Variants in FAT3 observed in about 807,000 individuals in gnomAD.
FAT3 encodes the protein FAT atypical cadherin 3.
Under a neutral mutation model 310.2 loss-of-function variants are expected in FAT3, and 95 were observed. The ratio of observed to expected loss-of-function variants is 0.31; its 90% CI spans 0.26 to 0.36. The LOEUF (loss-of-function observed/expected upper bound fraction) is 0.36. FAT3 is among the 10% of genes least tolerant of loss of function. The probability of loss-of-function intolerance (pLI) is 1.00; values close to 1 mark genes in which losing one functional copy is unlikely to be tolerated. For synonymous variants in FAT3, 2,314 were observed against 2,192.9 expected (o/e 1.06, Z -1.54); for missense variants, 5,408 against 5,715.6 (o/e 0.95, Z 1.74).
chr11:92,745,247 A>G (rs1945624006), intron 4 of FAT3, among the ~76,000 whole-genome samples: 2 of 152,336 alleles, frequency 1.3e-5, no homozygotes, highest in African/African-American at 2.4e-5. Context: ...GTGGAATAGT[A>G]TATCGACTAA....
At chr11:92,388,159 G>A (rs1949670108) in intron 2 of FAT3, among the ~76,000 whole-genome samples, 1 of 152,074 alleles carries the variant, frequency 6.6e-6, no homozygotes, top group African/African-American at 2.4e-5. Context: ...ATTTCAGCAT[G>A]GTTTTGTGGA....
Position 92,751,259 on chromosome 11 carries a change from C to G in FAT3, c.3670-10597C>G, listed in dbSNP as rs147054201. Reference sequence around the variant, plus strand: ...TGCTTCACCCTTCTGTGCCCTGTTTCTAATCTGTCGTGTGGGGATAATAAT... The same window carrying G: ...TGCTTCACCCTTCTGTGCCCTGTTTGTAATCTGTCGTGTGGGGATAATAAT... On this transcript the variant is annotated intron_variant, in intron 4 of 27. Coordinates refer to ENST00000525166, the MANE Select transcript of FAT3 (RefSeq NM_001367949.2). Among the ~76,000 whole-genome samples the G allele has an allele frequency of 1.7e-3, 265 of 152,302 alleles. 1 individual carries two copies. The highest frequency in any genetic ancestry group is 6.1e-3 in the African/African-American group (254 of 41,562).
At chr11:92,841,468 A>C (rs1300192789) in intron 18 of FAT3, among the ~76,000 whole-genome samples, 1 of 152,218 alleles carries the variant, frequency 6.6e-6, no homozygotes, top group African/African-American at 2.4e-5. Flanking sequence ...GCATTGGCTT[A>C]AATATACATT....
intron 3 of FAT3, among the ~76,000 whole-genome samples, chr11:92,527,194 A>G (rs988188755): frequency 1.3e-5 from 2 of 152,154 alleles, no homozygotes; most frequent in African/African-American, 4.8e-5. Context: ...CTAACTACGA[A>G]ACACCATAGA....
chr11:92,737,265 C>T (rs1484369084), intron 4 of FAT3, among the ~76,000 whole-genome samples: 1 of 152,116 alleles, frequency 6.6e-6, no homozygotes, highest in Non-Finnish European at 1.5e-5. Flanking sequence ...GATATACCAG[C>T]CCTTGATTTT....
intron 2 of FAT3, among the ~76,000 whole-genome samples, chr11:92,479,144 G>T (rs1204968240): frequency 1.3e-5 from 2 of 150,696 alleles, no homozygotes; most frequent in Non-Finnish European, 2.9e-5. Context: ...TGAGAACACA[G>T]GTGTGTATCA....
At chr11:92,779,621 G>A (rs565187829) in intron 7 of FAT3, among the ~76,000 whole-genome samples, 2 of 152,226 alleles carry the variant, frequency 1.3e-5, no homozygotes, top group South Asian at 2.1e-4. Flanking sequence ...GCTATTTGTG[G>A]TAGGCAACAG....
intron 3 of FAT3, among the ~76,000 whole-genome samples, chr11:92,544,271 G>A (rs1565399042): frequency 6.6e-6 from 1 of 152,130 alleles, no homozygotes; most frequent in Non-Finnish European, 1.5e-5. Context: ...TATGCACTTA[G>A]ATAGAAGAAA....
At chr11:92,410,552 T>C (rs939812660) in intron 2 of FAT3, among the ~76,000 whole-genome samples, 1 of 152,186 alleles carries the variant, frequency 6.6e-6, no homozygotes, top group Non-Finnish European at 1.5e-5. Context: ...CCAAGAGACA[T>C]TCCCCAGTTT....
chr11:92,605,250 C>T (rs571365624), intron 3 of FAT3, among the ~76,000 whole-genome samples: 14 of 152,302 alleles, frequency 9.2e-5, no homozygotes, highest in Admixed American at 3.9e-4. Context: ...AAGTGTCAAA[C>T]GCAACCTTCC....
intron 7 of FAT3, among the ~76,000 whole-genome samples, chr11:92,783,502 T>TAA (rs11349996): frequency 7.1e-6 from 1 of 140,314 alleles, no homozygotes; most frequent in Non-Finnish European, 1.5e-5. Context: ...CTTTTTTAAT[T>TAA]AAAAAAAAAA....
chr11:92,462,753 C>T (rs572671180), intron 2 of FAT3, among the ~76,000 whole-genome samples: 2 of 152,178 alleles, frequency 1.3e-5, no homozygotes, highest in African/African-American at 2.4e-5. Context: ...ACAACTTGTT[C>T]AGTGACAGAT....
Position 92,800,303 on chromosome 11 carries a change from A to G in FAT3, c.7290A>G (p.Glu2430=), listed in dbSNP as rs769249748. 1 of 1,613,860 alleles carries G rather than the reference A, an allele frequency of 6.2e-7. No homozygotes were observed. Among genetic ancestry groups the G allele is most frequent in the South Asian group, 1.1e-5 (1 of 91,082 alleles). Residue 2430 remains glutamate (E), a synonymous_variant, in exon 10 of 28, where the codon GAA becomes GAG. Transcript: ENST00000525166. The part of the protein sequence containing the change: ...DADSSDFDRL[E]YSILSGNDRT... ...ACAGCTCTGATTTTGACCGGTTGGA[A>G]TATAGCATTTTATCTGGGAATGACC...
At chr11:92,448,441 G>T (rs1951273371) in intron 2 of FAT3, among the ~76,000 whole-genome samples, 1 of 152,046 alleles carries the variant, frequency 6.6e-6, no homozygotes, top group Non-Finnish European at 1.5e-5. Flanking sequence ...TTAAATTGTG[G>T]TCATGGAAAC....
rs192642619 is a variant in FAT3 at position 92,417,758 on chromosome 11, T to A, written c.3292+62354T>A. ...GAGAGAAAATTGACTAACCAAACAT[T>A]TAAAAGTAAAACAAAACAACAAAAC... is the stretch of plus-strand genomic sequence containing the variant. On this transcript the variant is annotated intron_variant, in intron 2 of 27. Coordinates refer to ENST00000525166, the MANE Select transcript of FAT3 (RefSeq NM_001367949.2). Among the ~76,000 whole-genome samples the A allele has an allele frequency of 3.5e-3, 539 of 152,220 alleles. 3 individuals carry two copies. The highest frequency in any genetic ancestry group is 0.015 in the South Asian group (73 of 4,824).
intron 2 of FAT3, among the ~76,000 whole-genome samples, chr11:92,396,589 G>T: frequency 6.6e-6 from 1 of 152,204 alleles, no homozygotes; most frequent in East Asian, 1.9e-4. Context: ...CCGTGGAAGT[G>T]CAAGGCTGAG....
At chr11:92,558,378 T>G (rs1227104588) in intron 3 of FAT3, among the ~76,000 whole-genome samples, 1 of 151,484 alleles carries the variant, frequency 6.6e-6, no homozygotes, top group African/African-American at 2.4e-5. Flanking sequence ...ATGTGATAGA[T>G]TCATATGTGC....
intron 3 of FAT3, among the ~76,000 whole-genome samples, chr11:92,573,879 G>A (rs569388508): frequency 6.6e-6 from 1 of 152,104 alleles, no homozygotes; most frequent in Admixed American, 6.6e-5. Context: ...TTGGTTTGTG[G>A]TAATTTGTAA....
rs570205472 is a variant in FAT3, at chr11:92,285,015, A to G, written c.-18+59841A>G. Among the ~76,000 whole-genome samples the G allele has an allele frequency of 2.6e-5, 4 of 152,276 alleles. No homozygotes were observed. In the South Asian group the frequency reaches 6.2e-4, roughly 24 times the overall value. On this transcript the variant is annotated intron_variant, in intron 1 of 27. Coordinates refer to ENST00000525166, the MANE Select transcript of FAT3 (RefSeq NM_001367949.2). Reference sequence around the variant, plus strand: ...TTTTCTATTAGGAAAATGACATTATAGGTATTATTTTTCTGGTTCCTTCCC... The same window carrying G: ...TTTTCTATTAGGAAAATGACATTATGGGTATTATTTTTCTGGTTCCTTCCC...
Sources: gnomAD v4.1 joint callset for allele counts (sites outside exome capture counted in the v4.1 genomes callset) on GRCh38, gnomAD v4.1.1 for gene constraint, MANE v1.5 for transcripts, NCBI Gene and HGNC (gene_info 2026-07-23, HGNC 2026-07-21) for gene names.